The following FAM110B variants were observed in gnomAD, a reference collection of about 807,000 sequenced individuals.
FAM110B encodes family with sequence similarity 110 member B, also known as protein FAM110B.
Under a neutral mutation model 20.4 loss-of-function variants are expected in FAM110B, and 6 were observed. The ratio of observed to expected loss-of-function variants is 0.29; its 90% confidence interval spans 0.16 to 0.58. The LOEUF is 0.58. FAM110B is among the 20% of genes least tolerant of loss of function. FAM110B has a pLI of 0.90. For synonymous variants in FAM110B, 226 were observed against 214.1 expected (o/e 1.06, Z -0.49); for missense variants, 434 against 498.2 (o/e 0.87, Z 1.23).
At chr8:58,034,624 G>C (rs901746904) in intron 2 of FAM110B, among the ~76,000 whole-genome samples, 2 of 152,184 alleles carry the variant, frequency 1.3e-5, no homozygotes, top group Non-Finnish European at 2.9e-5. Flanking sequence ...AATTACGATA[G>C]TGCCCAGATC....
At chr8:58,009,464 G>A (rs1163020289) in intron 1 of FAM110B, among the ~76,000 whole-genome samples, 1 of 152,246 alleles carries the variant, frequency 6.6e-6, no homozygotes, top group Non-Finnish European at 1.5e-5. Context: ...CCTCCTGAAA[G>A]TGTAAGAACA....
rs766614164 is a variant in FAM110B at position 58,146,561 on chromosome 8, G to A, written c.331G>A (p.Val111Met). The A allele has an allele frequency of 3.7e-6, 6 of 1,614,054 alleles. No homozygotes were observed. The highest frequency in any genetic ancestry group is 2.2e-5 in the East Asian group (1 of 44,868). The change falls in exon 4 of 4, where the codon GTG (valine) becomes ATG (methionine). Residue 111 changes from valine (V) to methionine (M), a missense_variant. Coordinates refer to ENST00000519262, the MANE Select transcript of FAM110B (RefSeq NM_001377989.1). ...FGNHAKTESG[V>M]QRENLKLEIL... ...CAACCACGCCAAGACCGAGAGCGGC[G>A]TGCAGAGGGAGAACCTGAAGCTGGA...
intron 3 of FAM110B, among the ~76,000 whole-genome samples, chr8:58,143,799 T>G (rs1803795081): frequency 1.3e-5 from 2 of 152,072 alleles, no homozygotes; most frequent in African/African-American, 4.8e-5. Flanking sequence ...GGTCCTAATA[T>G]GATAGAACTA....
chr8:58,072,722 T>C (rs769958541), intron 2 of FAM110B, among the ~76,000 whole-genome samples: 7 of 152,200 alleles, frequency 4.6e-5, no homozygotes, highest in Non-Finnish European at 7.4e-5. Context: ...AACATACATA[T>C]CATATTTTAA....
At chr8:58,027,936 T>C (rs1412181656) in intron 1 of FAM110B, among the ~76,000 whole-genome samples, 1 of 152,188 alleles carries the variant, frequency 6.6e-6, no homozygotes, top group Non-Finnish European at 1.5e-5. Context: ...GGAATCTCTG[T>C]GTTTAAATTT....
intron 3 of FAM110B, among the ~76,000 whole-genome samples, chr8:58,092,895 C>T: frequency 6.6e-6 from 1 of 152,190 alleles, no homozygotes; most frequent in East Asian, 1.9e-4. Flanking sequence ...TCTCCACATC[C>T]TCTCTAGTAT....
intron 3 of FAM110B, among the ~76,000 whole-genome samples, chr8:58,137,616 G>A (rs55649587): frequency 3.1e-4 from 47 of 152,088 alleles, no homozygotes; most frequent in African/African-American, 1.1e-3. Context: ...TCCTGACCAA[G>A]CACTTTCATG....
intron 1 of FAM110B, among the ~76,000 whole-genome samples, chr8:58,001,978 A>G (rs984244142): frequency 6.6e-6 from 1 of 152,190 alleles, no homozygotes; most frequent in African/African-American, 2.4e-5. Flanking sequence ...AAGTTCTAGT[A>G]TAAGGTCAGG....
intron 2 of FAM110B, among the ~76,000 whole-genome samples, chr8:58,058,878 T>G (rs1240368327): frequency 6.6e-6 from 1 of 152,232 alleles, no homozygotes. Context: ...CTAACAAATA[T>G]ATACACTCAG....
At chr8:58,093,411 T>C (rs922571581) in intron 3 of FAM110B, among the ~76,000 whole-genome samples, 6 of 152,222 alleles carry the variant, frequency 3.9e-5, no homozygotes, top group Non-Finnish European at 8.8e-5. Context: ...TAATCCATCT[T>C]GAGTTAATTT....
At chr8:58,089,166 T>C (rs1302457032) in intron 3 of FAM110B, among the ~76,000 whole-genome samples, 1 of 152,234 alleles carries the variant, frequency 6.6e-6, no homozygotes, top group East Asian at 1.9e-4. Flanking sequence ...TGGTGAACTT[T>C]AGTGTATATG....
intron 3 of FAM110B, among the ~76,000 whole-genome samples, chr8:58,105,787 C>G (rs1419774064): frequency 2.0e-5 from 3 of 151,662 alleles, no homozygotes; most frequent in East Asian, 1.9e-4. Context: ...AGCCAGGATG[C>G]TCTCAATCTC....
chr8:58,142,808 G>A (rs1803771330), intron 3 of FAM110B, among the ~76,000 whole-genome samples: 2 of 152,190 alleles, frequency 1.3e-5, no homozygotes, highest in Admixed American at 1.3e-4. Context: ...ATCAGGCAAG[G>A]CTATATAATT....
chr8:58,143,976 T>C (rs1426397620), intron 3 of FAM110B, among the ~76,000 whole-genome samples: 2 of 152,226 alleles, frequency 1.3e-5, no homozygotes, highest in East Asian at 1.9e-4. Context: ...AAACTGGAAG[T>C]AATTCCTTCA....
At chr8:58,085,646 A>T (rs886361188) in intron 3 of FAM110B, among the ~76,000 whole-genome samples, 1 of 152,230 alleles carries the variant, frequency 6.6e-6, no homozygotes, top group African/African-American at 2.4e-5. Context: ...AGTATAAGGA[A>T]TGCTGGAATA....
Position 58,027,296 on chromosome 8 carries a change from C to G in FAM110B, c.-511-4310C>G, listed in dbSNP as rs75671713. Among the ~76,000 whole-genome samples the G allele has an allele frequency of 4.5e-3, 692 of 152,128 alleles. 6 individuals carry two copies. Among genetic ancestry groups the G allele is most frequent in the Non-Finnish European group, 5.2e-3 (351 of 67,996 alleles). Reference sequence around the variant, plus strand: ...ATTGGTTTTTCTTTTTTGTGGTCTCCAGATACTTAGCCATCATTGATTGCT... The same window carrying G: ...ATTGGTTTTTCTTTTTTGTGGTCTCGAGATACTTAGCCATCATTGATTGCT... On this transcript the variant is annotated intron_variant, in intron 1 of 3. Transcript: ENST00000519262.
At chr8:58,044,812 C>G (rs1229957497) in intron 2 of FAM110B, among the ~76,000 whole-genome samples, 1 of 152,094 alleles carries the variant, frequency 6.6e-6, no homozygotes, top group African/African-American at 2.4e-5. Context: ...AAAAATCAGG[C>G]AACACTTGGA....
intron 3 of FAM110B, among the ~76,000 whole-genome samples, chr8:58,138,224 G>A (rs1803665156): frequency 6.6e-6 from 1 of 152,240 alleles, no homozygotes; most frequent in Non-Finnish European, 1.5e-5. Flanking sequence ...CGTGGAGGCA[G>A]CCACGCCTCT....
intron 2 of FAM110B, among the ~76,000 whole-genome samples, chr8:58,063,934 G>A (rs1805709004): frequency 2.0e-5 from 3 of 152,154 alleles, no homozygotes; most frequent in Non-Finnish European, 4.4e-5. Flanking sequence ...GGTTTAATTG[G>A]CTCATGGTTC....
Sources: gnomAD v4.1 joint callset for allele counts (sites outside exome capture counted in the v4.1 genomes callset) on GRCh38, gnomAD v4.1.1 for gene constraint, MANE v1.5 for transcripts, NCBI Gene and HGNC (gene_info 2026-07-23, HGNC 2026-07-21) for gene names.